PRKCZ: variants seen among roughly 807,000 people sequenced by gnomAD.
The protein encoded by PRKCZ is protein kinase C zeta type.
Under a neutral mutation model 79.5 loss-of-function variants are expected in PRKCZ, and 33 were observed. The observed-to-expected ratio is 0.41, with a 90% CI of 0.31 to 0.55. The LOEUF (loss-of-function observed/expected upper bound fraction) is 0.55. PRKCZ is among the 20% of genes least tolerant of loss of function. PRKCZ has a pLI of 0.19. For missense variants in PRKCZ, 578 were observed against 813.5 expected (o/e 0.71, Z 3.52); for synonymous variants, 342 against 320.9 (o/e 1.07, Z -0.70).
In PRKCZ at chr1:2,177,325, C is replaced by T. The variant is rs1685680563; in HGVS notation, c.1575+2012C>T. Among the ~76,000 whole-genome samples the T allele has an allele frequency of 6.6e-6, 1 of 152,190 alleles. No individual in the cohort carries two copies. The highest frequency in any genetic ancestry group is 2.1e-4 in the South Asian group (1 of 4,832). On this transcript the variant is annotated intron_variant, in intron 16 of 17. Transcript: ENST00000378567. The surrounding 1 kb of genome is among the most constrained non-coding windows in gnomAD (Gnocchi z 6.4). ...CAGCATCCCCGCTCCCAGCCACCTC[C>T]CCTCGCCCGTCTCAGCTCAGTCTCC...
intron 9 of PRKCZ, among the ~76,000 whole-genome samples, chr1:2,153,071 A>T (rs896032393): frequency 5.3e-5 from 8 of 152,094 alleles, no homozygotes; most frequent in Admixed American, 2.0e-4. Context: ...GCTGCTTCCC[A>T]CGCAGCCGCG....
intron 4 of PRKCZ, among the ~76,000 whole-genome samples, chr1:2,117,998 C>CTTTTTT (rs1553152756): frequency 1.5e-5 from 1 of 65,058 alleles, no homozygotes; most frequent in Non-Finnish European, 2.7e-5. Context: ...CCTATTATTT[C>CTTTTTT]TTTTTTTTTT....
chr1:2,072,334 C>G (rs565468909), intron 4 of PRKCZ, among the ~76,000 whole-genome samples: 324 of 152,354 alleles, frequency 2.1e-3, no homozygotes, highest in Non-Finnish European at 4.0e-3. Flanking sequence ...TATTACTGTT[C>G]AGGCAGGTGT....
At chr1:2,101,870 G>GGTA (rs1667498182) in intron 4 of PRKCZ, among the ~76,000 whole-genome samples, 1 of 152,174 alleles carries the variant, frequency 6.6e-6, no homozygotes, top group Non-Finnish European at 1.5e-5. Flanking sequence ...ATACGTGGTG[G>GGTA]GTATATAATG....
At chr1:2,136,933 T>A (rs888080476) in intron 5 of PRKCZ, among the ~76,000 whole-genome samples, 3 of 151,918 alleles carry the variant, frequency 2.0e-5, no homozygotes, top group African/African-American at 7.3e-5. Context: ...ATGGTACCAA[T>A]GGGATGCATG....
intron 4 of PRKCZ, among the ~76,000 whole-genome samples, chr1:2,093,929 CTGAG>C (rs1230101192): frequency 6.6e-6 from 1 of 151,410 alleles, no homozygotes; most frequent in East Asian, 2.0e-4. Flanking sequence ...GCACTAAGGG[CTGAG>C]TGTGGGGCCA....
chr1:2,089,198 C>T (rs1042195862), intron 4 of PRKCZ, among the ~76,000 whole-genome samples: 2 of 150,042 alleles, frequency 1.3e-5, no homozygotes, highest in Non-Finnish European at 2.9e-5. Flanking sequence ...TCGCGAGGTC[C>T]CTGGGCAGAG....
At chr1:2,170,599 G>A (rs1192216039) in intron 11 of PRKCZ, among the ~76,000 whole-genome samples, 3 of 152,154 alleles carry the variant, frequency 2.0e-5, no homozygotes, top group African/African-American at 4.8e-5. Context: ...TCCAGAGCAC[G>A]CCCCTCTTCC....
chr1:2,153,553 G>A (rs905163298), intron 9 of PRKCZ, among the ~76,000 whole-genome samples: 2 of 152,232 alleles, frequency 1.3e-5, no homozygotes, highest in African/African-American at 2.4e-5. Context: ...CTCAAAAGTG[G>A]GTGGCAGCGT....
intron 4 of PRKCZ, among the ~76,000 whole-genome samples, chr1:2,085,423 A>G (rs1664318226): frequency 1.3e-5 from 2 of 152,256 alleles, no homozygotes; most frequent in Admixed American, 1.3e-4. Flanking sequence ...GCCAGATACC[A>G]GGCTTGACTT....
Position 2,184,632 on chromosome 1 carries a change from A to G in PRKCZ, c.1625A>G (p.Asp542Gly). The change falls in exon 17 of 18, where the codon GAC becomes GGC. Residue 542 changes from aspartate (D) to glycine (G), a missense_variant. Asp to Gly is a moderately conservative substitution (Grantham distance 94). This residue lies in a region of PRKCZ where 243 missense variants were observed against 467.0 expected (regional missense o/e 0.52). Transcript: ENST00000378567. ...LPPFQPQITD[D>G]YGLDNFDTQF... is the part of the protein sequence containing the mutation. ...CCATTCCAGCCACAGATCACAGACG[A>G]CTACGGTCTGGACAACTTTGACACA... 6.2e-7 allele frequency: 1 copy of G among 1,614,078 alleles called. No homozygotes were observed. Among genetic ancestry groups the G allele is most frequent in the Non-Finnish European group, 8.5e-7 (1 of 1,180,016 alleles).
intron 7 of PRKCZ, among the ~76,000 whole-genome samples, chr1:2,147,963 C>G (rs1678997939): frequency 6.8e-6 from 1 of 147,706 alleles, no homozygotes; most frequent in South Asian, 2.1e-4. Flanking sequence ...CCACTGACCT[C>G]TCCATCTATC....
At chr1:2,051,209 C>T (rs1659613077) in intron 1 of PRKCZ, among the ~76,000 whole-genome samples, 1 of 152,102 alleles carries the variant, frequency 6.6e-6, no homozygotes, top group South Asian at 2.1e-4. Flanking sequence ...ACAGGGGTTT[C>T]TGGAGGAGAC....
intron 4 of PRKCZ, 66 bp downstream of exon 4, chr1:2,059,657 C>T: frequency 6.3e-7 from 1 of 1,598,606 alleles, no homozygotes; most frequent in Non-Finnish European, 8.6e-7. Flanking sequence ...TCCGTTGTGC[C>T]ACGGAGGTGG....
At position 2,122,859 on chromosome 1, in the gene PRKCZ, TGTGGTGGTTAGGGTCACG is replaced by T. The variant is rs1672663851; in HGVS notation, c.335-12379_335-12362del. Among the ~76,000 whole-genome samples, 2 of 2,052 alleles carry T rather than the reference TGTGGTGGTTAGGGTCACG, an allele frequency of 9.7e-4. 1 individual carries two copies. Among genetic ancestry groups the T allele is most frequent in the African/African-American group, 8.8e-3 (2 of 226 alleles). The allele number at this position is 2,052 out of a possible 152,430, so 1.3% of individuals were successfully genotyped here. On this transcript the variant is annotated intron_variant, in intron 4 of 17. Transcript: ENST00000378567. ...TGGTTAGGGTTGTGGTGGTTAGGGT[TGTGGTGGTTAGGGTCACG>T]GTGGTGGTTAGGGTCACGGTGGTAG... is the stretch of plus-strand genomic sequence containing the variant.
intron 4 of PRKCZ, among the ~76,000 whole-genome samples, chr1:2,099,385 G>A (rs1571357231): frequency 2.0e-5 from 3 of 152,252 alleles, no homozygotes; most frequent in Admixed American, 6.5e-5. Flanking sequence ...ATCCGGAACC[G>A]CCCCTTGCTA....
Position 2,111,997 on chromosome 1 carries a change from A to T in PRKCZ, c.335-23265A>T, listed in dbSNP as rs7538467. On this transcript the variant is annotated intron_variant, in intron 4 of 17. Transcript: ENST00000378567. ...CCAGTTGGCACCTTCCTTTCACCTT[A>T]GTCGTCTTCGAGGCGATGTTTCCTC... Among the ~76,000 whole-genome samples the T allele has an allele frequency of 2.0e-3, 301 of 152,272 alleles. 3 individuals carry two copies. Among genetic ancestry groups the T allele is most frequent in the African/African-American group, 6.8e-3 (284 of 41,560 alleles).
At chr1:2,142,522 T>G (rs535609267) in intron 5 of PRKCZ, 1 of 302,406 alleles carries the variant, frequency 3.3e-6, no homozygotes, top group African/African-American at 2.3e-5. Flanking sequence ...AAACTCCCAA[T>G]GCCGGCATTA....
intron 4 of PRKCZ, among the ~76,000 whole-genome samples, chr1:2,087,352 A>C (rs1308545291): frequency 6.6e-6 from 1 of 151,926 alleles, no homozygotes; most frequent in Non-Finnish European, 1.5e-5. Context: ...CAAAGTGCTG[A>C]GATTATAGGT....
Sources: gnomAD v4.1 joint callset for allele counts (sites outside exome capture counted in the v4.1 genomes callset) on GRCh38, gnomAD v4.1.1 for gene constraint, gnomAD v4.1.1 regional missense constraint, Gnocchi (gnomAD v3.1) non-coding constraint, MANE v1.5 for transcripts, NCBI Gene and HGNC (gene_info 2026-07-23, HGNC 2026-07-21) for gene names.